RNF150: variants seen among roughly 807,000 people sequenced by gnomAD.
The protein encoded by RNF150 is ring finger protein 150.
RNF150 carries 24 observed loss-of-function variants against 39.3 expected under a neutral mutation model. That is an observed-to-expected ratio of 0.61 (90% CI 0.44 to 0.86). The LOEUF (loss-of-function observed/expected upper bound fraction) is 0.86. Among genes scored for constraint, RNF150 ranks in the 40% least tolerant of loss-of-function variants. The probability of loss-of-function intolerance (pLI) is 0.00; values close to 1 mark genes in which losing one functional copy is unlikely to be tolerated. For missense variants in RNF150, 502 were observed against 587.8 expected, an observed-to-expected ratio of 0.85 and a Z score of 1.51; for synonymous variants, 255 against 227.3, an observed-to-expected ratio of 1.12 and a Z score of -1.10.
intron 1 of RNF150, among the ~76,000 whole-genome samples, chr4:141,102,897 C>T (rs1454077661): frequency 2.0e-5 from 3 of 152,184 alleles, no homozygotes; most frequent in Admixed American, 6.5e-5. Flanking sequence ...CTAGGTATTA[C>T]TAAAATGGAG....
chr4:140,941,612 G>C (rs1054502276), intron 4 of RNF150, among the ~76,000 whole-genome samples: 7 of 152,110 alleles, frequency 4.6e-5, no homozygotes, highest in Non-Finnish European at 1.0e-4. Flanking sequence ...AATCTAGCTT[G>C]ACAATTAAAA....
intron 2 of RNF150, among the ~76,000 whole-genome samples, chr4:140,956,180 G>A (rs1411922249): frequency 1.3e-5 from 2 of 152,144 alleles, no homozygotes; most frequent in African/African-American, 4.8e-5. Context: ...TGTCTGAGAT[G>A]AGATGTCCTA....
intron 1 of RNF150, among the ~76,000 whole-genome samples, chr4:141,088,678 T>TACAC (rs60239559): frequency 0.12 from 18,250 of 146,464 alleles, 1,114 homozygotes; most frequent in Middle Eastern, 0.17. Context: ...ACTTTGCTTT[T>TACAC]ACACACACAC....
intron 1 of RNF150, among the ~76,000 whole-genome samples, chr4:140,993,096 T>C (rs1734252954): frequency 6.6e-6 from 1 of 152,034 alleles, no homozygotes; most frequent in African/African-American, 2.4e-5. Context: ...CTATGAGAGA[T>C]TGCCACAACT....
At chr4:140,897,875 G>T (rs1429431428) in intron 6 of RNF150, among the ~76,000 whole-genome samples, 1 of 152,124 alleles carries the variant, frequency 6.6e-6, no homozygotes, top group Non-Finnish European at 1.5e-5. Flanking sequence ...GTACAGAGAG[G>T]TTGAGCTATT....
rs144848762 is a variant in RNF150 at position 140,867,333 on chromosome 4, C to A, written c.*928G>T. 1 of 152,164 alleles carries A rather than the reference C, an allele frequency of 6.6e-6. No homozygotes were observed. Among genetic ancestry groups the A allele is most frequent in the Non-Finnish European group, 1.5e-5 (1 of 68,032 alleles). 9.4% of individuals were successfully genotyped at this position (152,164 alleles called of 1,614,324 possible). A position where few individuals can be genotyped will look rare whatever the true frequency, so the allele number is the denominator to read the frequency against. On this transcript the variant is annotated 3_prime_UTR_variant, in exon 7 of 7. Transcript: ENST00000515673. The stretch of plus-strand genomic sequence containing the variant: ...AAAACTGTTCTAGCCCAGGGGAAAC[C>A]AATGCAACTGGCATTTTGTTTTCAA...
chr4:141,203,018 G>T (rs1471957151), intron 1 of RNF150, among the ~76,000 whole-genome samples: 1 of 149,276 alleles, frequency 6.7e-6, no homozygotes, highest in Non-Finnish European at 1.5e-5. Flanking sequence ...TATATATTTT[G>T]TCTCCATGAC....
intron 1 of RNF150, among the ~76,000 whole-genome samples, chr4:141,024,321 T>A (rs373208582): frequency 5.0e-4 from 76 of 152,146 alleles, no homozygotes; most frequent in African/African-American, 1.8e-3. Flanking sequence ...AAGAAGAGAT[T>A]TAAAAATCTC....
chr4:141,128,995 T>C (rs192086890), intron 1 of RNF150, among the ~76,000 whole-genome samples: 28 of 152,276 alleles, frequency 1.8e-4, no homozygotes, highest in Non-Finnish European at 2.4e-4. Flanking sequence ...TGTGGAGAAA[T>C]TGGAACCCTC....
At chr4:140,952,552 C>T (rs1732581319) in intron 2 of RNF150, among the ~76,000 whole-genome samples, 1 of 152,144 alleles carries the variant, frequency 6.6e-6, no homozygotes, top group Admixed American at 6.5e-5. Flanking sequence ...AAAACGCTTT[C>T]CACGCCCTTT....
chr4:140,922,238 A>G (rs1277312259), intron 5 of RNF150, among the ~76,000 whole-genome samples: 1 of 151,322 alleles, frequency 6.6e-6, no homozygotes, highest in African/African-American at 2.4e-5. Context: ...TCAGCCCAAA[A>G]TCTTCTTAAG....
intron 1 of RNF150, among the ~76,000 whole-genome samples, chr4:141,169,654 G>T (rs922710643): frequency 6.6e-6 from 1 of 151,986 alleles, no homozygotes; most frequent in Non-Finnish European, 1.5e-5. Context: ...GATCTCTTCA[G>T]GCTTGAGTTC....
intron 1 of RNF150, among the ~76,000 whole-genome samples, chr4:141,210,743 A>C (rs28430271): frequency 0.22 from 33,595 of 151,762 alleles, 3,945 homozygotes; most frequent in South Asian, 0.32. Context: ...ACTTAATATC[A>C]ATTTTTCCAT....
chr4:141,078,609 G>A (rs912479718), intron 1 of RNF150, among the ~76,000 whole-genome samples: 17 of 150,530 alleles, frequency 1.1e-4, no homozygotes, highest in Non-Finnish European at 2.2e-4. Context: ...GTGAAACCCC[G>A]TCTCTACTAA....
rs376521985 is a variant in RNF150 at position 140,946,168 on chromosome 4, G to A, written c.890+1486C>T. Among the ~76,000 whole-genome samples, 78 of 152,224 alleles carry A rather than the reference G, an allele frequency of 5.1e-4. 1 individual carries two copies. Among genetic ancestry groups the A allele is most frequent in the African/African-American group, 1.9e-3 (77 of 41,544 alleles). On this transcript the variant is annotated intron_variant, in intron 4 of 6. Coordinates refer to ENST00000515673, the MANE Select transcript of RNF150 (RefSeq NM_020724.2). ...TAACGGAAAGTGAATCACAATTGACGGCTTTGGCTGGGGCCACCAGGATGT... is the reference window on the plus strand; with the variant it reads ...TAACGGAAAGTGAATCACAATTGACAGCTTTGGCTGGGGCCACCAGGATGT...
intron 1 of RNF150, among the ~76,000 whole-genome samples, chr4:141,030,070 C>T (rs1039085792): frequency 6.6e-6 from 1 of 151,964 alleles, no homozygotes; most frequent in African/African-American, 2.4e-5. Context: ...GTGGCAGGTG[C>T]CTTAGTCCCA....
At chr4:141,175,362 T>G (rs1329151051) in intron 1 of RNF150, among the ~76,000 whole-genome samples, 1 of 152,182 alleles carries the variant, frequency 6.6e-6, no homozygotes, top group Non-Finnish European at 1.5e-5. Context: ...TGTCCAGAGT[T>G]TTGAGTTCTA....
chr4:140,879,682 C>T (rs542117990), intron 6 of RNF150, among the ~76,000 whole-genome samples: 101 of 152,128 alleles, frequency 6.6e-4, no homozygotes, highest in African/African-American at 2.3e-3. Context: ...ACTAGCCTGG[C>T]ATGGTGGCAC....
At chr4:140,923,158 C>G (rs1271000684) in intron 5 of RNF150, among the ~76,000 whole-genome samples, 8 of 152,026 alleles carry the variant, frequency 5.3e-5, no homozygotes, top group Non-Finnish European at 5.9e-5. Flanking sequence ...CACAGCAAAA[C>G]AAACCACCAT....
Sources: gnomAD v4.1 joint callset for allele counts (sites outside exome capture counted in the v4.1 genomes callset) on GRCh38, gnomAD v4.1.1 for gene constraint, MANE v1.5 for transcripts, NCBI Gene and HGNC (gene_info 2026-07-23, HGNC 2026-07-21) for gene names.